NAALADL2: variants seen among roughly 807,000 people sequenced by gnomAD.
NAALADL2 encodes inactive N-acetylated-alpha-linked acidic dipeptidase-like protein 2.
Under a neutral mutation model 87.2 loss-of-function variants are expected in NAALADL2, and 76 were observed. That is an observed-to-expected ratio of 0.87 (90% confidence interval 0.72 to 1.05). The LOEUF (loss-of-function observed/expected upper bound fraction) is 1.05, where lower values mean the gene tolerates loss of function less well. Ranked by LOEUF, NAALADL2 falls within the 50% of genes least tolerant of loss-of-function variation. The pLI, the probability that NAALADL2 is intolerant of heterozygous loss-of-function variation, is 0.00. For synonymous variants in NAALADL2, 354 were observed against 331.0 expected (o/e 1.07, Z -0.75); for missense variants, 1,089 against 945.8 (o/e 1.15, Z -1.99).
chr3:174,929,775 A>G (rs973746622), intron 1 of NAALADL2, among the ~76,000 whole-genome samples: 1 of 152,158 alleles, frequency 6.6e-6, no homozygotes, highest in Non-Finnish European at 1.5e-5. Flanking sequence ...GAGCAGGCCA[A>G]TCAAAGTTGG....
At chr3:175,429,470 A>G (rs1360477666) in intron 5 of NAALADL2, among the ~76,000 whole-genome samples, 1 of 152,044 alleles carries the variant, frequency 6.6e-6, no homozygotes, top group Non-Finnish European at 1.5e-5. Context: ...TCCTTTGCTT[A>G]GAAGGTTTCT....
intron 4 of NAALADL2, among the ~76,000 whole-genome samples, chr3:175,272,401 G>A (rs1420675614): frequency 6.6e-6 from 1 of 152,132 alleles, no homozygotes; most frequent in African/African-American, 2.4e-5. Context: ...TTTTAAAAAT[G>A]AGGACTGTGT....
intron 1 of NAALADL2, among the ~76,000 whole-genome samples, chr3:174,995,941 C>T (rs1747386049): frequency 6.6e-6 from 1 of 152,108 alleles, no homozygotes; most frequent in Non-Finnish European, 1.5e-5. Context: ...GAGACAGTTT[C>T]ACTTACTATG....
chr3:175,413,340 G>A (rs9851943), intron 5 of NAALADL2, among the ~76,000 whole-genome samples: 85,155 of 150,214 alleles, frequency 0.57, 24,816 homozygotes, highest in East Asian at 0.66. Context: ...GGGAGGCCGA[G>A]GAGAGCGGAT....
rs1434514270 is a variant in NAALADL2, at chr3:175,362,173, T to C, written c.1090+37848T>C. ...GTCAGGTTTGTCAAAGATCAGATGG[T>C]TGTAGATGTGTGGTATTATTTCTGA... On this transcript the variant is annotated intron_variant, in intron 5 of 13. Transcript: ENST00000454872. Among the ~76,000 whole-genome samples the C allele has an allele frequency of 6.1e-5, 9 of 148,048 alleles. 2 individuals carry two copies. Among genetic ancestry groups the C allele is most frequent in the African/African-American group, 2.2e-4 (9 of 40,848 alleles).
intron 1 of NAALADL2, among the ~76,000 whole-genome samples, chr3:174,892,475 A>C (rs1192311970): frequency 6.6e-6 from 1 of 152,182 alleles, no homozygotes; most frequent in Non-Finnish European, 1.5e-5. Context: ...AAAAAAGTAC[A>C]TCTGTACGAT....
chr3:175,233,789 T>C, intron 2 of NAALADL2, 142 bp from the exon 3 acceptor site: 1 of 604,232 alleles, frequency 1.7e-6, no homozygotes, highest in Admixed American at 3.0e-5. Context: ...TGTGTTTATG[T>C]TTCATGTGAT....
intron 1 of NAALADL2, chr3:174,441,168 G>T (rs1714574120): frequency 6.6e-6 from 1 of 152,222 alleles, no homozygotes; most frequent in Non-Finnish European, 1.5e-5. Context: ...GCTGTGGGCC[G>T]CACCCCTGCG....
intron 9 of NAALADL2, among the ~76,000 whole-genome samples, chr3:175,482,770 A>G (rs922767108): frequency 3.3e-5 from 5 of 151,862 alleles, no homozygotes; most frequent in Middle Eastern, 3.4e-3. Context: ...TAATATTCTG[A>G]TATTGGTCTG....
intron 10 of NAALADL2, among the ~76,000 whole-genome samples, chr3:175,594,796 G>A (rs999724474): frequency 2.0e-5 from 3 of 151,986 alleles, no homozygotes; most frequent in African/African-American, 7.2e-5. Context: ...CCACTTCTAT[G>A]TATTCTTTTG....
intron 3 of NAALADL2, among the ~76,000 whole-genome samples, chr3:174,821,523 A>T (rs983930200): frequency 2.6e-5 from 4 of 152,182 alleles, no homozygotes; most frequent in Non-Finnish European, 5.9e-5. Flanking sequence ...TTTACAAGTG[A>T]TGAAAAGCCT....
At chr3:174,821,329 G>A (rs977344120) in intron 3 of NAALADL2, among the ~76,000 whole-genome samples, 6 of 151,750 alleles carry the variant, frequency 4.0e-5, no homozygotes, top group Middle Eastern at 3.2e-3. Flanking sequence ...GAGGTCAAGT[G>A]GTATAATGAA....
intron 2 of NAALADL2, among the ~76,000 whole-genome samples, chr3:174,678,555 T>C (rs1449674192): frequency 6.6e-6 from 1 of 152,196 alleles, no homozygotes; most frequent in Non-Finnish European, 1.5e-5. Flanking sequence ...TCTTCATTTA[T>C]GCCATTTGAT....
chr3:175,528,878 A>G (rs1360851758), intron 9 of NAALADL2, among the ~76,000 whole-genome samples: 3 of 152,242 alleles, frequency 2.0e-5, no homozygotes, highest in African/African-American at 4.8e-5. Flanking sequence ...GGAAATACTC[A>G]TGACAATTAC....
intron 13 of NAALADL2, among the ~76,000 whole-genome samples, chr3:175,761,809 T>A (rs747617733): frequency 1.3e-5 from 2 of 152,246 alleles, no homozygotes; most frequent in South Asian, 4.1e-4. Context: ...TTTGATGTGA[T>A]ATCTGTTCAG....
At chr3:175,428,236 C>T (rs1581842794) in intron 5 of NAALADL2, among the ~76,000 whole-genome samples, 1 of 152,212 alleles carries the variant, frequency 6.6e-6, no homozygotes, top group East Asian at 1.9e-4. Flanking sequence ...GTAGTGTTCA[C>T]TACTGTACCT....
intron 2 of NAALADL2, among the ~76,000 whole-genome samples, chr3:175,205,376 G>A (rs902851897): frequency 1.3e-5 from 2 of 152,110 alleles, no homozygotes; most frequent in African/African-American, 4.8e-5. Flanking sequence ...ATGGTGCTGG[G>A]ATAACTGGCA....
chr3:175,406,179 G>C (rs998715097), intron 5 of NAALADL2, among the ~76,000 whole-genome samples: 1 of 152,212 alleles, frequency 6.6e-6, no homozygotes, highest in African/African-American at 2.4e-5. Context: ...GAGTGAATGA[G>C]AAAGACGGTG....
chr3:175,442,164 C>T (rs1442988430), intron 5 of NAALADL2, among the ~76,000 whole-genome samples: 8 of 152,084 alleles, frequency 5.3e-5, no homozygotes, highest in South Asian at 2.1e-4. Flanking sequence ...AGGCTGTTCT[C>T]GATCTCCTGA....
Sources: gnomAD v4.1 joint callset for allele counts (sites outside exome capture counted in the v4.1 genomes callset) on GRCh38, gnomAD v4.1.1 for gene constraint, MANE v1.5 for transcripts, NCBI Gene and HGNC (gene_info 2026-07-23, HGNC 2026-07-21) for gene names.